Variants in PIWIL3 observed in about 807,000 individuals in gnomAD.
PIWIL3 encodes the protein piwi-like protein 3.
PIWIL3 carries 101 observed loss-of-function variants against 109.7 expected under a neutral mutation model. That is an observed-to-expected ratio of 0.92 (90% CI 0.78 to 1.09). PIWIL3 has a LOEUF of 1.09. Among genes scored for constraint, PIWIL3 ranks in the 50% least tolerant of loss-of-function variants. The probability of loss-of-function intolerance (pLI) is 0.00; values close to 1 mark genes in which losing one functional copy is unlikely to be tolerated. For synonymous variants in PIWIL3, 373 were observed against 376.4 expected (o/e 0.99, Z 0.10); for missense variants, 1,031 against 1,072.6 (o/e 0.96, Z 0.54).
At chr22:24,740,249 A>G (rs534321951) in intron 12 of PIWIL3, among the ~76,000 whole-genome samples, 2 of 132,146 alleles carry the variant, frequency 1.5e-5, no homozygotes, top group South Asian at 2.5e-4. Context: ...TAAAAGCTCA[A>G]TTAGAAATGA....
chr22:24,731,356 A>G (rs777156667), intron 14 of PIWIL3, among the ~76,000 whole-genome samples: 45 of 152,194 alleles, frequency 3.0e-4, no homozygotes, highest in Non-Finnish European at 4.6e-4. Context: ...TATAGATGAA[A>G]AGTTAATCAC....
At chr22:24,770,983 G>T (rs2147736626) in intron 1 of PIWIL3, among the ~76,000 whole-genome samples, 1 of 152,136 alleles carries the variant, frequency 6.6e-6, no homozygotes, top group East Asian at 1.9e-4. Context: ...ACCCACCTGT[G>T]CTCCAGGGGG....
Position 24,735,735 on chromosome 22 carries a change from A to G in PIWIL3, c.1607T>C (p.Met536Thr), listed in dbSNP as rs1395729591. 1 of 1,607,278 alleles carries G rather than the reference A, an allele frequency of 6.2e-7. No homozygotes were observed. Among genetic ancestry groups the G allele is most frequent in the Non-Finnish European group, 8.5e-7 (1 of 1,178,424 alleles). The change falls in exon 13 of 21, where the codon ATG becomes ACG. Residue 536 changes from methionine to threonine, a missense_variant. Physicochemically the swap from Met to Thr is moderately conservative, Grantham distance 81. Coordinates refer to ENST00000616349, the MANE Select transcript of PIWIL3 (RefSeq NM_001255975.1). ...TTCTGCTGGTTTCATAGTTATGCCC[A>G]TGGGGGCTGTGACACTCTGTAGATG... is the stretch of plus-strand genomic sequence containing the variant. Reference protein sequence around the residue: ...KGHLQSVTAPMGITMKPAEMI... With the variant: ...KGHLQSVTAPTGITMKPAEMI...
intron 8 of PIWIL3, 149 bp downstream of exon 8, chr22:24,753,865 A>G (rs1840260065): frequency 6.1e-6 from 4 of 654,758 alleles, no homozygotes; most frequent in African/African-American, 1.8e-5. Flanking sequence ...CCCAAGTTGT[A>G]TAACCAGAGG....
chr22:24,751,150 A>G (rs1601841960), intron 9 of PIWIL3, among the ~76,000 whole-genome samples: 1 of 151,980 alleles, frequency 6.6e-6, no homozygotes, highest in Admixed American at 6.6e-5. Context: ...GATAGTAGCC[A>G]CTTTTAAGAC....
chr22:24,725,085 T>G, intron 17 of PIWIL3, 48 bp from the exon 18 acceptor site: 1 of 1,600,310 alleles, frequency 6.2e-7, no homozygotes, highest in East Asian at 2.2e-5. Flanking sequence ...TGGAACAAAC[T>G]AGCCTTTGCT....
intron 7 of PIWIL3, 84 bp from the exon 8 acceptor site, chr22:24,754,301 T>C (rs1435523507): frequency 8.4e-7 from 1 of 1,194,182 alleles, no homozygotes; most frequent in African/African-American, 1.5e-5. Context: ...GGTCTAAAAA[T>C]TGGTACTTAG....
At position 24,751,170 on chromosome 22, in the gene PIWIL3, G is replaced by C. The variant is rs182109225; in HGVS notation, c.1089+217C>G. Among the ~76,000 whole-genome samples the C allele has an allele frequency of 2.3e-3, 343 of 152,064 alleles. 1 individual carries two copies. The highest frequency in any genetic ancestry group is 7.9e-3 in the African/African-American group (326 of 41,492). ...TAGCCACTTTTAAGACTGAAAGAAG[G>C]GAAAGAAGGGATCACACTGGCACCA... is the stretch of plus-strand genomic sequence containing the variant. On this transcript the variant is annotated intron_variant, in intron 9 of 20. Transcript: ENST00000616349.
chr22:24,726,282 TCTTTC>T (rs1922988226), intron 16 of PIWIL3, among the ~76,000 whole-genome samples: 1 of 151,808 alleles, frequency 6.6e-6, no homozygotes, highest in Admixed American at 6.6e-5. Flanking sequence ...CTATTTTCTT[TCTTTC>T]TTTTTTTTTT....
chr22:24,751,915 A>C (rs1924734209), intron 8 of PIWIL3, among the ~76,000 whole-genome samples: 1 of 152,216 alleles, frequency 6.6e-6, no homozygotes, highest in South Asian at 2.1e-4. Context: ...CTTGGCACTT[A>C]ATTCTTTTCA....
chr22:24,768,399 G>C (rs547112446), intron 1 of PIWIL3, among the ~76,000 whole-genome samples: 57 of 151,972 alleles, frequency 3.8e-4, no homozygotes, highest in Admixed American at 1.7e-3. Flanking sequence ...GGATTACAGA[G>C]GACACCACCA....
chr22:24,767,423 T>C lies in PIWIL3; in HGVS notation c.-22-4902A>G, dbSNP rs868208492. On this transcript the variant is annotated intron_variant, in intron 1 of 20. Transcript: ENST00000616349. ...TAAATTAGCCAGGTGTGGTGATGTG[T>C]GCCTGTAATCCCAGCTACTTGGGAG... is the stretch of plus-strand genomic sequence containing the variant. Among the ~76,000 whole-genome samples, 18 of 151,826 alleles carry C rather than the reference T, an allele frequency of 1.2e-4. 1 individual carries two copies. In the Middle Eastern group the frequency reaches 0.017, roughly 143 times the overall value.
chr22:24,739,228 G>GA (rs1228833577), intron 12 of PIWIL3, among the ~76,000 whole-genome samples: 2 of 152,006 alleles, frequency 1.3e-5, no homozygotes, highest in Non-Finnish European at 2.9e-5. Flanking sequence ...CCTCAAAAGG[G>GA]AAAATCAAAG....
rs537359922 is a variant in PIWIL3, at chr22:24,719,424, G to C, written c.*48C>G. ...GACATCCTGCTTCAAAAGGAAGACA[G>C]GCTTACACGTTGTGGTTTCATTAGC... On this transcript the variant is annotated 3_prime_UTR_variant, in exon 21 of 21. Coordinates refer to ENST00000616349, the MANE Select transcript of PIWIL3 (RefSeq NM_001255975.1). 40 of 1,365,596 alleles carry C rather than the reference G, an allele frequency of 2.9e-5. No individual in the cohort carries two copies. Among genetic ancestry groups the C allele is most frequent in the Middle Eastern group, 3.8e-4 (2 of 5,330 alleles). 84.6% of individuals were successfully genotyped at this position (1,365,596 alleles called of 1,614,324 possible). A position where few individuals can be genotyped will look rare whatever the true frequency, so the allele number is the denominator to read the frequency against.
In PIWIL3 at chr22:24,728,203, C is replaced by T; in HGVS notation, c.1879G>A (p.Gly627Arg). Residue 627 changes from glycine to arginine, a missense_variant, in exon 15 of 21, where the codon GGA becomes AGA. Physicochemically the swap from Gly to Arg is moderately radical, Grantham distance 125. Transcript: ENST00000616349. The part of the protein sequence containing the change: ...IAQQMNCKMG[G>R]ALWKVETDVQ... ...TCTGTCTCCACCTTCCAGAGGGCTC[C>T]TCCCATCTTGCAATTCATCTGCTGG... 6.2e-7 allele frequency: 1 copy of T among 1,614,220 alleles called. No homozygotes were observed. Among genetic ancestry groups the T allele is most frequent in the Non-Finnish European group, 8.5e-7 (1 of 1,180,040 alleles).
chr22:24,746,590 A>T (rs1442865023), intron 12 of PIWIL3, among the ~76,000 whole-genome samples: 2 of 151,514 alleles, frequency 1.3e-5, no homozygotes, highest in East Asian at 3.9e-4. Context: ...AGATAATCCA[A>T]ATTGCAAAGA....
At chr22:24,762,265 CTTTTCTTA>C in intron 2 of PIWIL3, 125 bp downstream of exon 2, 1 of 1,382,664 alleles carries the variant, frequency 7.2e-7, no homozygotes, top group Non-Finnish European at 9.4e-7. Flanking sequence ...TACAGCCTGA[CTTTTCTTA>C]TGAACTTTTA....
At position 24,756,680 on chromosome 22, in the gene PIWIL3, T is replaced by A. The variant is rs764162523; in HGVS notation, c.381A>T (p.Leu127=). The stretch of plus-strand genomic sequence containing the variant: ...ATATCACTCGGAAGTGGTTGGCGAG[T>A]AGCTGTACCACTGTACCCTCTGAAC... ...KTGSEGTVVQ[L]LANHFRVISR... is the part of the protein sequence containing the mutation. The change falls in exon 5 of 21, where the codon CTA becomes CTT. Residue 127 remains leucine (L), a synonymous_variant. Transcript: ENST00000616349. 2.4e-5 allele frequency: 38 copies of A among 1,613,734 alleles called. No homozygotes were observed. Among genetic ancestry groups the A allele is most frequent in the Non-Finnish European group, 3.2e-5 (38 of 1,179,810 alleles).
At chr22:24,772,007 T>C (rs906545283) in intron 1 of PIWIL3, among the ~76,000 whole-genome samples, 1 of 152,222 alleles carries the variant, frequency 6.6e-6, no homozygotes, top group Non-Finnish European at 1.5e-5. Context: ...TTTCTCTTAA[T>C]GAACAAGCTA....
Sources: gnomAD v4.1 joint callset for allele counts (sites outside exome capture counted in the v4.1 genomes callset) on GRCh38, gnomAD v4.1.1 for gene constraint, MANE v1.5 for transcripts, NCBI Gene and HGNC (gene_info 2026-07-23, HGNC 2026-07-21) for gene names.